The following ZNF331 variants were observed in gnomAD, a reference collection of about 807,000 sequenced individuals.
ZNF331 encodes the protein C2H2-like zinc finger protein rearranged in thyroid adenomas.
A neutral mutation model predicts 7.0 loss-of-function variants in ZNF331; 2 were observed. The ratio of observed to expected loss-of-function variants is 0.29; its 90% CI spans 0.12 to 0.90. The LOEUF (loss-of-function observed/expected upper bound fraction) is 0.90. Among genes scored for constraint, ZNF331 ranks in the 40% least tolerant of loss-of-function variants. The probability of loss-of-function intolerance (pLI) is 0.58; values close to 1 mark genes in which losing one functional copy is unlikely to be tolerated. For missense variants in ZNF331, 432 were observed against 587.7 expected (o/e 0.74, Z 2.74); for synonymous variants, 196 against 205.4 (o/e 0.95, Z 0.39).
rs2090803438 is a variant in ZNF331, at chr19:53,578,084, G to A, written c.*132G>A. 8.5e-7 allele frequency: 1 copy of A among 1,180,874 alleles called. No homozygotes were observed. The highest frequency in any genetic ancestry group is 1.2e-6 in the Non-Finnish European group (1 of 866,662). The allele number at this position is 1,180,874 out of a possible 1,614,324, so 73.1% of individuals were successfully genotyped here. On this transcript the variant is annotated 3_prime_UTR_variant, in exon 6 of 6. Coordinates refer to ENST00000449416, the MANE Select transcript of ZNF331 (RefSeq NM_001079906.2). ...AATAAAGAATTTTAAGTCTCAAATG[G>A]TGTGCCCTTCTGAGTAGCGTGATGA...
rs1300336352 is a variant in ZNF331, at chr19:53,571,755, T to G, written c.136+25T>G. 3.2e-6 allele frequency: 5 copies of G among 1,584,756 alleles called. No individual in the cohort carries two copies. The highest frequency in any genetic ancestry group is 3.7e-5 in the Admixed American group (2 of 54,460). On this transcript the variant is annotated intron_variant, in intron 5 of 5. Transcript: ENST00000449416. The surrounding 1 kb of genome is among the most constrained non-coding windows in gnomAD (Gnocchi z 4.7). ...GGTGAGTTGCACGCCTCAGATAACT[T>G]AGACTGCCTCCTGGAATATCCGCTC...
In ZNF331 at chr19:53,577,300, A is replaced by G. The variant is rs774085336; in HGVS notation, c.740A>G (p.Asp247Gly). 4 of 1,613,942 alleles carry G rather than the reference A, an allele frequency of 2.5e-6. No homozygotes were observed. In the Admixed American group the frequency reaches 6.7e-5, roughly 27 times the overall value. Residue 247 changes from aspartate to glycine, a missense_variant, in exon 6 of 6, where the codon GAC (aspartate) becomes GGC (glycine). Physicochemically the swap from Asp to Gly is moderately conservative, Grantham distance 94 (BLOSUM62 -1). Transcript: ENST00000449416. ...GGGGAGAAAGACTACGAATGCAAAG[A>G]CTGTGGGAAGACCTTTAGCCGTGTG... ...HTGEKDYECKDCGKTFSRVYK... is the reference protein window; with the variant it reads ...HTGEKDYECKGCGKTFSRVYK...
intron 2 of ZNF331, among the ~76,000 whole-genome samples, chr19:53,545,570 C>A (rs931800254): frequency 1.3e-5 from 2 of 152,168 alleles, no homozygotes; most frequent in African/African-American, 4.8e-5. Flanking sequence ...CCAGTCACAT[C>A]CACTCATGGA....
rs773732321 is a variant in ZNF331, at chr19:53,577,911, C to T, written c.1351C>T (p.Leu451=). ...CKECGKACNH[L]NHLREHQRIH... ...GGAGTGCGGGAAGGCATGTAACCACCTAAACCATCTCCGAGAACATCAGAG... is the reference window on the plus strand; with the variant it reads ...GGAGTGCGGGAAGGCATGTAACCACTTAAACCATCTCCGAGAACATCAGAG... Residue 451 remains leucine (L), a synonymous_variant, in exon 6 of 6, where the codon CTA becomes TTA. Transcript: ENST00000449416. 1.3e-5 allele frequency: 21 copies of T among 1,613,466 alleles called. No individual in the cohort carries two copies. In the East Asian group the frequency reaches 3.6e-4, roughly 27 times the overall value.
At position 53,560,259 on chromosome 19, in the gene ZNF331, C is replaced by T. The variant is rs2089797062; in HGVS notation, c.-74+4351C>T. ...ACACCATATATACACACACCATGCACCCACATATATACACACACCATATAT... is the reference window on the plus strand; with the variant it reads ...ACACCATATATACACACACCATGCATCCACATATATACACACACCATATAT... On this transcript the variant is annotated intron_variant, in intron 3 of 5. Coordinates refer to ENST00000449416, the MANE Select transcript of ZNF331 (RefSeq NM_001079906.2). This position sits in a 1 kb window ranked among gnomAD's most constrained non-coding sequence, Gnocchi z 4.3. 6.6e-6 allele frequency among the ~76,000 whole-genome samples: 1 copy of T among 151,152 alleles called. No homozygotes were observed. The highest frequency in any genetic ancestry group is 2.4e-5 in the African/African-American group (1 of 41,040).
chr19:53,526,491 T>G (rs2087297895), intron 2 of ZNF331, among the ~76,000 whole-genome samples: 1 of 152,206 alleles, frequency 6.6e-6, no homozygotes, highest in African/African-American at 2.4e-5. Flanking sequence ...TCTTGATAGA[T>G]TATATATTAC....
the ZNF331 span, among the ~76,000 whole-genome samples, chr19:53,509,357 G>C: frequency 6.6e-6 from 1 of 152,176 alleles, no homozygotes; most frequent in Non-Finnish European, 1.5e-5. Context: ...AACATAGCCT[G>C]ATTCTTTTCT....
At position 53,580,261 on chromosome 19, in the gene ZNF331, A is replaced by G. The variant is rs575476448; in HGVS notation, c.*2309A>G. The G allele has an allele frequency of 2.2e-5, 4 of 180,330 alleles. No homozygotes were observed. The highest frequency in any genetic ancestry group is 9.4e-5 in the African/African-American group (4 of 42,470). 11.2% of individuals were successfully genotyped at this position (180,330 alleles called of 1,614,324 possible). A position where few individuals can be genotyped will look rare whatever the true frequency, so the allele number is the denominator to read the frequency against. ...CAATCAAATATTAATAAAATCAAAG[A>G]TGAGCAGGTCTCTTTGTTGGATATT... On this transcript the variant is annotated 3_prime_UTR_variant, in exon 6 of 6. Transcript: ENST00000449416.
chr19:53,530,364 G>T (rs866313474), intron 2 of ZNF331, among the ~76,000 whole-genome samples: 11 of 111,306 alleles, frequency 9.9e-5, no homozygotes, highest in African/African-American at 4.4e-4. Flanking sequence ...CTCCCACCAG[G>T]CCCCACCTCC....
At chr19:53,518,921 T>C (rs927758607), upstream of ZNF331, among the ~76,000 whole-genome samples, 21 of 152,078 alleles carry the variant, frequency 1.4e-4, no homozygotes, top group Non-Finnish European at 5.9e-5. Flanking sequence ...GGCCACAGAG[T>C]CCTCTGGGGA....
chr19:53,544,336 G>A (rs1463646079), intron 2 of ZNF331, among the ~76,000 whole-genome samples: 1 of 151,442 alleles, frequency 6.6e-6, no homozygotes, highest in Non-Finnish European at 1.5e-5. Flanking sequence ...ACGAGGTCAG[G>A]AGATGGAGAC....
exon 1 of ZNF331, chr19:53,521,655 C>G (rs2087093670): frequency 6.6e-6 from 1 of 152,560 alleles, no homozygotes; most frequent in African/African-American, 2.4e-5. Flanking sequence ...GTGGCACGGC[C>G]AGGACGGGTC....
intron 2 of ZNF331, among the ~76,000 whole-genome samples, chr19:53,524,981 A>G (rs2087237064): frequency 2.6e-5 from 4 of 152,218 alleles, no homozygotes; most frequent in Admixed American, 2.6e-4. Flanking sequence ...CTTTCTACAT[A>G]TGGCTAGCCA....
chr19:53,559,340 A>G (rs2089666594), intron 3 of ZNF331, among the ~76,000 whole-genome samples: 1 of 150,840 alleles, frequency 6.6e-6, no homozygotes, highest in Non-Finnish European at 1.5e-5. Flanking sequence ...AGAGACACAC[A>G]CATATACACA....
At chr19:53,514,812 G>A (rs28400276), upstream of ZNF331, among the ~76,000 whole-genome samples, 6,275 of 151,848 alleles carry the variant, frequency 0.041, 444 homozygotes, top group African/African-American at 0.14. Flanking sequence ...CACCACGCCC[G>A]GCTAATTTTT....
chr19:53,503,574 G>A, the ZNF331 span: 1 of 735,104 alleles, frequency 1.4e-6, no homozygotes, highest in Non-Finnish European at 2.5e-6. Flanking sequence ...CTCCCTAGAG[G>A]AGTCCCACAG....
chr19:53,512,301 T>G, the ZNF331 span: 2 of 153,298 alleles, frequency 1.3e-5, no homozygotes, highest in Non-Finnish European at 2.9e-5. Context: ...TGCACCATGG[T>G]GCACAGAGGC....
intron 3 of ZNF331, among the ~76,000 whole-genome samples, chr19:53,563,161 C>T (rs554363062): frequency 2.8e-5 from 4 of 144,128 alleles, no homozygotes; most frequent in Non-Finnish European, 6.0e-5. Context: ...GATCTCAGCT[C>T]ACTGCAATCT....
At chr19:53,527,684 A>T (rs896654803) in intron 2 of ZNF331, among the ~76,000 whole-genome samples, 1 of 152,236 alleles carries the variant, frequency 6.6e-6, no homozygotes, top group Non-Finnish European at 1.5e-5. Flanking sequence ...AGACTCTTCA[A>T]ATCTTAGTTT....
Sources: gnomAD v4.1 joint callset for allele counts (sites outside exome capture counted in the v4.1 genomes callset) on GRCh38, gnomAD v4.1.1 for gene constraint, Gnocchi (gnomAD v3.1) non-coding constraint, MANE v1.5 for transcripts, NCBI Gene and HGNC (gene_info 2026-07-23, HGNC 2026-07-21) for gene names.